Variants in GSDMC observed in about 807,000 individuals in gnomAD.
The protein encoded by GSDMC is gasdermin C, also known as gasdermin-C.
Under a neutral mutation model 58.0 loss-of-function variants are expected in GSDMC, and 59 were observed. The observed-to-expected ratio is 1.02, with a 90% CI of 0.82 to 1.26. The LOEUF (loss-of-function observed/expected upper bound fraction) is 1.26. Among genes scored for constraint, GSDMC ranks in the 50% most tolerant of loss-of-function variants. The pLI is 0.00. For missense variants in GSDMC, 659 were observed against 598.5 expected (o/e 1.10, Z -1.06); for synonymous variants, 241 against 220.2 (o/e 1.09, Z -0.83).
At chr8:129,713,374 T>A in the GSDMC span, among the ~76,000 whole-genome samples, 1 of 148,734 alleles carries the variant, frequency 6.7e-6, no homozygotes, top group Non-Finnish European at 1.5e-5. Flanking sequence ...GAAGGGACAG[T>A]CCCAGCCATC....
At chr8:129,713,913 A>G in the GSDMC span, among the ~76,000 whole-genome samples, 1 of 152,120 alleles carries the variant, frequency 6.6e-6, no homozygotes, top group Non-Finnish European at 1.5e-5. Context: ...CACTGATATA[A>G]CTAATGGCCT....
intron 3 of GSDMC, among the ~76,000 whole-genome samples, chr8:129,773,234 A>G (rs1360393892): frequency 6.6e-6 from 1 of 152,150 alleles, no homozygotes; most frequent in Non-Finnish European, 1.5e-5. Flanking sequence ...GTCCACCCTC[A>G]CCACTCTATT....
the GSDMC span, among the ~76,000 whole-genome samples, chr8:129,709,626 A>AGATAGAT: frequency 2.6e-5 from 4 of 151,926 alleles, no homozygotes; most frequent in African/African-American, 9.7e-5. Flanking sequence ...ATAGATAGAT[A>AGATAGAT]GATAGATAGA....
At chr8:129,776,317 C>A in intron 2 of GSDMC, 32 bp from the exon 3 acceptor site, 2 of 1,517,778 alleles carry the variant, frequency 1.3e-6, no homozygotes, top group Admixed American at 2.1e-5. Context: ...ATAGGTTTAG[C>A]CAAGAATTCA....
chr8:129,723,266 A>T, the GSDMC span, among the ~76,000 whole-genome samples: 1 of 151,838 alleles, frequency 6.6e-6, no homozygotes, highest in African/African-American at 2.4e-5. Context: ...TTTGAGATGG[A>T]GTCTCTCTCT....
chr8:129,774,239 T>A (rs1020513546), intron 3 of GSDMC, among the ~76,000 whole-genome samples: 6 of 151,948 alleles, frequency 3.9e-5, no homozygotes, highest in African/African-American at 1.5e-4. Flanking sequence ...GGCCAAGAAA[T>A]AAACTCATAT....
intron 7 of GSDMC, among the ~76,000 whole-genome samples, chr8:129,752,396 C>G (rs117752007): frequency 0.041 from 6,208 of 152,218 alleles, 262 homozygotes; most frequent in East Asian, 0.19. Flanking sequence ...CCCCAGGGGA[C>G]AGTGGCTGGG....
At chr8:129,737,549 T>C in the GSDMC span, among the ~76,000 whole-genome samples, 71 of 152,130 alleles carry the variant, frequency 4.7e-4, no homozygotes, top group Non-Finnish European at 1.6e-4. Flanking sequence ...GAAAGAATTC[T>C]CTATTTAATA....
chr8:129,772,508 A>G (rs973548228), intron 3 of GSDMC, among the ~76,000 whole-genome samples: 6 of 152,176 alleles, frequency 3.9e-5, no homozygotes, highest in African/African-American at 1.4e-4. Context: ...AAATACCGAC[A>G]AACTGGGGTA....
downstream of GSDMC, among the ~76,000 whole-genome samples, chr8:129,743,361 CA>C (rs2130292209): frequency 6.6e-6 from 1 of 152,260 alleles, no homozygotes; most frequent in South Asian, 2.1e-4. Flanking sequence ...ATTCTACTAA[CA>C]AGCCTGTACA....
At chr8:129,728,811 G>A in the GSDMC span, 6 of 551,904 alleles carry the variant, frequency 1.1e-5, no homozygotes, top group South Asian at 1.0e-4. Flanking sequence ...CGTTGGCCCA[G>A]GCGGACGGAC....
chr8:129,715,785 T>C, the GSDMC span, among the ~76,000 whole-genome samples: 2 of 152,148 alleles, frequency 1.3e-5, no homozygotes, highest in African/African-American at 4.8e-5. Flanking sequence ...AGTAAACATA[T>C]AAGATTTTTT....
chr8:129,752,647 C>T (rs1563789594), intron 7 of GSDMC, 51 bp downstream of exon 7: 1 of 1,602,546 alleles, frequency 6.2e-7, no homozygotes, highest in Non-Finnish European at 8.5e-7. Flanking sequence ...ACTATCTGCA[C>T]AAAGAAAAGC....
chr8:129,778,092 G>A (rs566254714), intron 1 of GSDMC, among the ~76,000 whole-genome samples: 1 of 152,346 alleles, frequency 6.6e-6, no homozygotes, highest in South Asian at 2.1e-4. Context: ...GATGATATGA[G>A]TAGTGGTAGA....
the GSDMC span, among the ~76,000 whole-genome samples, chr8:129,739,695 C>A: frequency 1.3e-5 from 2 of 152,074 alleles, no homozygotes; most frequent in African/African-American, 2.4e-5. Context: ...CACAGCCAGC[C>A]ATATAAAAGT....
the GSDMC span, among the ~76,000 whole-genome samples, chr8:129,732,393 A>G: frequency 6.6e-6 from 1 of 151,940 alleles, no homozygotes; most frequent in Non-Finnish European, 1.5e-5. Flanking sequence ...GGGAGGGGGG[A>G]AAAGGGAAAG....
the GSDMC span, among the ~76,000 whole-genome samples, chr8:129,707,777 C>T: frequency 1.7e-4 from 26 of 152,208 alleles, no homozygotes; most frequent in African/African-American, 6.3e-4. Context: ...ATCTTATCTT[C>T]GCTTTTCATC....
intron 1 of GSDMC, among the ~76,000 whole-genome samples, chr8:129,781,511 G>A (rs192541005): frequency 9.2e-4 from 140 of 152,242 alleles, no homozygotes; most frequent in Non-Finnish European, 1.6e-3. Flanking sequence ...TTTGGAGGCC[G>A]AGACGGGCAG....
At chr8:129,778,777 A>C (rs964040013) in intron 1 of GSDMC, among the ~76,000 whole-genome samples, 36 of 144,512 alleles carry the variant, frequency 2.5e-4, no homozygotes, top group Non-Finnish European at 4.2e-4. Flanking sequence ...AAAAAAAAAA[A>C]CATTAAGAAG....
Sources: allele counts gnomAD v4.1 joint callset (sites outside exome capture counted in the v4.1 genomes callset), GRCh38; gene constraint gnomAD v4.1.1; transcripts MANE v1.5; gene names NCBI Gene and HGNC (gene_info 2026-07-23, HGNC 2026-07-21).